Variants in ZNF131 observed in about 807,000 individuals in gnomAD.
The protein encoded by ZNF131 is zinc finger protein 131.
A neutral mutation model predicts 60.0 loss-of-function variants in ZNF131; 7 were observed. The observed-to-expected ratio is 0.12, with a 90% CI of 0.07 to 0.22. ZNF131 has a LOEUF of 0.22. Among genes scored for constraint, ZNF131 ranks in the 10% least tolerant of loss-of-function variants. The pLI is 1.00. For missense variants in ZNF131, 493 were observed against 740.9 expected, an observed-to-expected ratio of 0.67 and a Z score of 3.88; for synonymous variants, 257 against 253.2, an observed-to-expected ratio of 1.01 and a Z score of -0.14.
intron 4 of ZNF131, among the ~76,000 whole-genome samples, chr5:43,152,222 C>T (rs1748408827): frequency 6.6e-6 from 1 of 152,060 alleles, no homozygotes; most frequent in African/African-American, 2.4e-5. Context: ...AGGCTGGTCT[C>T]GAACTCCCGA....
chr5:43,127,782 C>T (rs1355468378), intron 3 of ZNF131, among the ~76,000 whole-genome samples: 1 of 152,170 alleles, frequency 6.6e-6, no homozygotes, highest in Non-Finnish European at 1.5e-5. Context: ...TGGATTCACA[C>T]CATATAAAAT....
At chr5:43,141,917 T>G (rs897705977) in intron 4 of ZNF131, among the ~76,000 whole-genome samples, 1 of 152,194 alleles carries the variant, frequency 6.6e-6, no homozygotes, top group African/African-American at 2.4e-5. Context: ...GACAGTAGTA[T>G]TATATGTTGG....
chr5:43,163,419 G>A (rs1302715830), intron 5 of ZNF131, among the ~76,000 whole-genome samples: 1 of 152,214 alleles, frequency 6.6e-6, no homozygotes, highest in Non-Finnish European at 1.5e-5. Flanking sequence ...GGAGAATAAG[G>A]TCTTTATACT....
intron 4 of ZNF131, among the ~76,000 whole-genome samples, chr5:43,151,380 A>G (rs938150711): frequency 1.3e-5 from 2 of 152,152 alleles, no homozygotes; most frequent in African/African-American, 4.8e-5. Context: ...GATCTTCCTT[A>G]AACACTTGAT....
chr5:43,143,898 C>CTTTTTTTTTT lies in ZNF131; in HGVS notation c.371+4618_371+4627dup, dbSNP rs79246574. Reference sequence around the variant, plus strand: ...TAGGTTCTCTGGAATATTGTCAGAGCTTTTTTTTTTTTTTTTTTTTTTTTT... The same window carrying CTTTTTTTTTT: ...TAGGTTCTCTGGAATATTGTCAGAGCTTTTTTTTTTTTTTTTTTTTTTTTTTTTTTTTTTT... On this transcript the variant is annotated intron_variant, in intron 4 of 6. Coordinates refer to ENST00000682664, the MANE Select transcript of ZNF131 (RefSeq NM_001330707.2). Among the ~76,000 whole-genome samples, 26 of 34,994 alleles carry CTTTTTTTTTT rather than the reference C, an allele frequency of 7.4e-4. 12 individuals carry two copies. The highest frequency in any genetic ancestry group is 9.4e-4 in the African/African-American group (8 of 8,544). 23.0% of individuals were successfully genotyped at this position (34,994 alleles called of 152,430 possible). A position where few individuals can be genotyped will look rare whatever the true frequency, so the allele number is the denominator to read the frequency against.
chr5:43,151,845 C>G (rs79861885), intron 4 of ZNF131, among the ~76,000 whole-genome samples: 5 of 152,056 alleles, frequency 3.3e-5, no homozygotes, highest in Non-Finnish European at 7.4e-5. Context: ...TGCAATTGTT[C>G]GTGCCTCCAA....
At chr5:43,137,660 T>C (rs1746298329) in intron 3 of ZNF131, among the ~76,000 whole-genome samples, 1 of 152,038 alleles carries the variant, frequency 6.6e-6, no homozygotes, top group East Asian at 1.9e-4. Context: ...GGTGCAGCCA[T>C]TATGGAAAAC....
intron 5 of ZNF131, among the ~76,000 whole-genome samples, chr5:43,163,521 C>A (rs567661014): frequency 1.3e-5 from 2 of 152,354 alleles, no homozygotes; most frequent in Non-Finnish European, 2.9e-5. Context: ...CTATTCCAGT[C>A]GTCTCCCTGT....
chr5:43,175,713 G>C lies in ZNF131; in HGVS notation c.*580G>C, dbSNP rs1373073996. 9 of 175,042 alleles carry C rather than the reference G, an allele frequency of 5.1e-5. No homozygotes were observed. Among genetic ancestry groups the C allele is most frequent in the East Asian group, 2.9e-4 (2 of 6,782 alleles). The allele number at this position is 175,042 out of a possible 1,614,324, so 10.8% of individuals were successfully genotyped here. A position where few individuals can be genotyped will look rare whatever the true frequency, so the allele number is the denominator to read the frequency against. On this transcript the variant is annotated 3_prime_UTR_variant, in exon 7 of 7. Coordinates refer to ENST00000682664, the MANE Select transcript of ZNF131 (RefSeq NM_001330707.2). ...AAGAGTGGTGGTGGCAAAATTTCTA[G>C]AATGTTAAAAAAAAAAAAAAATCCA...
At position 43,174,755 on chromosome 5, in the gene ZNF131, C is replaced by T; in HGVS notation, c.1494C>T (p.Val498=). The change falls in exon 7 of 7, where the codon GTC becomes GTT. Residue 498 remains valine, a synonymous_variant. Transcript: ENST00000682664. The part of the protein sequence containing the change: ...VDSAQVTVEQ[V]HPDLLQDSQV... ...CAGCACAAGTGACTGTGGAACAAGT[C>T]CATCCAGATCTGCTCCAGGACAGCC... 1 of 1,614,122 alleles carries T rather than the reference C, an allele frequency of 6.2e-7. No homozygotes were observed. Among genetic ancestry groups the T allele is most frequent in the Non-Finnish European group, 8.5e-7 (1 of 1,180,018 alleles).
At chr5:43,130,254 ACT>A (rs1455494952) in intron 3 of ZNF131, among the ~76,000 whole-genome samples, 2 of 123,146 alleles carry the variant, frequency 1.6e-5, no homozygotes, top group Non-Finnish European at 3.4e-5. Context: ...ATAGAGTAAG[ACT>A]CTGTCTCCAA....
At chr5:43,143,350 G>C (rs1747110817) in intron 4 of ZNF131, 2 of 1,312,758 alleles carry the variant, frequency 1.5e-6, no homozygotes, top group East Asian at 2.9e-5. Flanking sequence ...CAGTGATCCA[G>C]GATGGATTTT....
chr5:43,169,529 CG>C, intron 5 of ZNF131, among the ~76,000 whole-genome samples: 1 of 152,296 alleles, frequency 6.6e-6, no homozygotes, highest in Admixed American at 6.5e-5. Flanking sequence ...TGCGGTAGTA[CG>C]GCATTATGCC....
At chr5:43,143,449 T>C (rs1469172898) in intron 4 of ZNF131, 3 of 1,394,480 alleles carry the variant, frequency 2.2e-6, no homozygotes, top group Non-Finnish European at 2.9e-6. Flanking sequence ...GTTTATCATC[T>C]TCAACTACAC....
At chr5:43,138,814 A>G (rs1279925587) in intron 3 of ZNF131, among the ~76,000 whole-genome samples, 1 of 152,190 alleles carries the variant, frequency 6.6e-6, no homozygotes, top group Non-Finnish European at 1.5e-5. Flanking sequence ...TTTGTTTGCT[A>G]AGTTGTGAAA....
chr5:43,162,049 G>A, intron 5 of ZNF131, 118 bp downstream of exon 5: 1 of 969,382 alleles, frequency 1.0e-6, no homozygotes, highest in Non-Finnish European at 1.5e-6. Context: ...TATCTCTAAT[G>A]TGTAGGCTAA....
chr5:43,128,146 T>TC (rs1224482348), intron 3 of ZNF131, among the ~76,000 whole-genome samples: 2 of 152,214 alleles, frequency 1.3e-5, no homozygotes, highest in Non-Finnish European at 1.5e-5. Context: ...CCTTAGATAC[T>TC]CTCTTAGAAA....
chr5:43,171,976 G>A (rs1442570816), intron 5 of ZNF131, among the ~76,000 whole-genome samples: 2 of 152,066 alleles, frequency 1.3e-5, no homozygotes, highest in Admixed American at 6.6e-5. Flanking sequence ...GGCTGTTCCC[G>A]TCAAGCAATC....
At position 43,162,012 on chromosome 5, in the gene ZNF131, T is replaced by C; in HGVS notation, c.1054+81T>C. On this transcript the variant is annotated intron_variant, in intron 5 of 6. Transcript: ENST00000682664. ...AGTATCTAAATCCTTTTTAAAAAAA[T>C]AGTGCCTCAGAAGCCATCTCATGTA... 3.0e-6 allele frequency: 4 copies of C among 1,347,554 alleles called. No homozygotes were observed. In the South Asian group the frequency reaches 6.2e-5, roughly 21 times the overall value. 83.5% of individuals were successfully genotyped at this position (1,347,554 alleles called of 1,614,324 possible).
Sources: allele counts gnomAD v4.1 joint callset (sites outside exome capture counted in the v4.1 genomes callset), GRCh38; gene constraint gnomAD v4.1.1; transcripts MANE v1.5; gene names NCBI Gene and HGNC (gene_info 2026-07-23, HGNC 2026-07-21).